Variants in MAP1B observed in about 807,000 individuals in gnomAD.
MAP1B encodes microtubule associated protein 1B.
MAP1B carries 12 observed loss-of-function variants against 176.1 expected under a neutral mutation model. That is an observed-to-expected ratio of 0.07 (90% CI 0.04 to 0.11). MAP1B has a LOEUF of 0.11. Among genes scored for constraint, MAP1B ranks in the 10% least tolerant of loss-of-function variants. The pLI is 1.00. For synonymous variants in MAP1B, 1,044 were observed against 1,135.0 expected (o/e 0.92, Z 1.61); for missense variants, 2,523 against 2,990.5 (o/e 0.84, Z 3.65).
chr5:72,183,018 C>T (rs1280235365), intron 2 of MAP1B, among the ~76,000 whole-genome samples: 2 of 152,202 alleles, frequency 1.3e-5, no homozygotes, highest in African/African-American at 4.8e-5. Flanking sequence ...CAGGGGGAGT[C>T]AGCGTTGTGG....
At chr5:72,129,035 C>A (rs1000176781) in intron 2 of MAP1B, among the ~76,000 whole-genome samples, 1 of 152,122 alleles carries the variant, frequency 6.6e-6, no homozygotes, top group African/African-American at 2.4e-5. Flanking sequence ...AAGAATCCAA[C>A]CAAAAGGTAA....
At chr5:72,120,688 A>G (rs938308006) in intron 2 of MAP1B, among the ~76,000 whole-genome samples, 17 of 152,036 alleles carry the variant, frequency 1.1e-4, no homozygotes, top group African/African-American at 4.1e-4. Context: ...AGCCTCCCAA[A>G]GCACTGGGAT....
At chr5:72,151,146 G>A (rs1471003105) in intron 2 of MAP1B, among the ~76,000 whole-genome samples, 1 of 152,058 alleles carries the variant, frequency 6.6e-6, no homozygotes, top group East Asian at 1.9e-4. Flanking sequence ...AAGACATGGA[G>A]GCAAAGGTCA....
Position 72,198,590 on chromosome 5 carries a change from C to G in MAP1B, c.5235C>G (p.Leu1745=). The change falls in exon 5 of 7, where the codon CTC becomes CTG. Residue 1745 remains leucine, a synonymous_variant. Transcript: ENST00000296755. ...AHTPSQIASP[L]QEDTLSDVAP... ...CCCCTTCTCAGATCGCTTCTCCTCT[C>G]CAAGAAGATACTCTATCCGATGTTG... is the stretch of plus-strand genomic sequence containing the variant. 6.2e-7 allele frequency: 1 copy of G among 1,614,090 alleles called. No individual in the cohort carries two copies. Among genetic ancestry groups the G allele is most frequent in the African/African-American group, 1.3e-5 (1 of 75,024 alleles).
At chr5:72,172,424 CT>C (rs551372680) in intron 2 of MAP1B, among the ~76,000 whole-genome samples, 11 of 151,316 alleles carry the variant, frequency 7.3e-5, no homozygotes, top group South Asian at 4.2e-4. Flanking sequence ...TGCATTTTTT[CT>C]TTTTTTTTGG....
At chr5:72,166,426 A>G (rs548805470) in intron 2 of MAP1B, among the ~76,000 whole-genome samples, 1 of 152,278 alleles carries the variant, frequency 6.6e-6, no homozygotes, top group South Asian at 2.1e-4. Flanking sequence ...GTAAAAATGC[A>G]TGTAAATTTG....
chr5:72,203,783 G>C lies in MAP1B; in HGVS notation c.7233G>C (p.Gln2411His), dbSNP rs1747383898. 1 of 1,612,510 alleles carries C rather than the reference G, an allele frequency of 6.2e-7. No individual in the cohort carries two copies. Among genetic ancestry groups the C allele is most frequent in the Non-Finnish European group, 8.5e-7 (1 of 1,180,032 alleles). ...VLDALLEGKAQWGSNMQVTLI... is the reference protein window; with the variant it reads ...VLDALLEGKAHWGSNMQVTLI... ...ACGCTTTGTTGGAAGGAAAGGCTCA[G>C]TGGGGCAGCAACATGCAGGTGAGAA... The change falls in exon 6 of 7, where the codon CAG becomes CAC. Residue 2411 changes from glutamine (Q) to histidine (H), a missense_variant. Around this residue, in one of 4 missense-constraint regions of MAP1B, gnomAD observed 287 missense variants for 401.5 expected, o/e 0.71. Coordinates refer to ENST00000296755, the MANE Select transcript of MAP1B (RefSeq NM_005909.5).
intron 2 of MAP1B, among the ~76,000 whole-genome samples, chr5:72,117,983 A>G (rs766122199): frequency 6.6e-6 from 1 of 152,234 alleles, no homozygotes; most frequent in Non-Finnish European, 1.5e-5. Flanking sequence ...ATAAGAAGAC[A>G]TGGAGATCAC....
At chr5:72,136,690 G>T (rs1490061912) in intron 2 of MAP1B, among the ~76,000 whole-genome samples, 1 of 152,098 alleles carries the variant, frequency 6.6e-6, no homozygotes, top group Non-Finnish European at 1.5e-5. Flanking sequence ...TTGTTGGCCA[G>T]CCACTCCCTT....
Position 72,197,653 on chromosome 5 carries a change from G to A in MAP1B, c.4298G>A (p.Ser1433Asn). The A allele has an allele frequency of 6.2e-7, 1 of 1,614,216 alleles. No homozygotes were observed. Among genetic ancestry groups the A allele is most frequent in the Non-Finnish European group, 8.5e-7 (1 of 1,180,044 alleles). Residue 1433 changes from serine to asparagine, a missense_variant, in exon 5 of 7, where the codon AGT (serine) becomes AAT (asparagine). Transcript: ENST00000296755. The stretch of plus-strand genomic sequence containing the variant: ...GCCGAAAGTCCTTTTGAAGAAAAGA[G>A]TGGAAAACAAGGCTCTCCAGACCAA... ...RGAESPFEEK[S>N]GKQGSPDQVS...
In MAP1B at chr5:72,199,612, C is replaced by G. The variant is rs1291280608; in HGVS notation, c.6257C>G (p.Ser2086Cys). Residue 2086 changes from serine to cysteine, a missense_variant, in exon 5 of 7, where the codon TCC becomes TGC. By Grantham distance (112) the Ser-to-Cys change is moderately radical. Around this residue, in one of 4 missense-constraint regions of MAP1B, gnomAD observed 1,925 missense variants for 2,126.0 expected, o/e 0.91. Coordinates refer to ENST00000296755, the MANE Select transcript of MAP1B (RefSeq NM_005909.5). This position sits in a 1 kb window ranked among gnomAD's most constrained non-coding sequence, Gnocchi z 4.2. ...CAGGATGTCGATTTATGCCTCGTGTCCTCTTGTGAATACAAGCACCCCAAG... is the reference window on the plus strand; with the variant it reads ...CAGGATGTCGATTTATGCCTCGTGTGCTCTTGTGAATACAAGCACCCCAAG... Reference protein sequence around the residue: ...ARQDVDLCLVSSCEYKHPKTE... With the variant: ...ARQDVDLCLVCSCEYKHPKTE... 3 of 1,614,172 alleles carry G rather than the reference C, an allele frequency of 1.9e-6. No individual in the cohort carries two copies. The Admixed American group carries it at 5.0e-5, about 27-fold the overall frequency.
chr5:72,193,155 C>T (rs1747062971), intron 4 of MAP1B: 2 of 248,736 alleles, frequency 8.0e-6, no homozygotes, highest in Non-Finnish European at 8.4e-6. Flanking sequence ...GTGACCCACT[C>T]ATGTTTCAAT....
intron 3 of MAP1B, 53 bp downstream of exon 3, chr5:72,183,878 GAC>G (rs2112213179): frequency 6.7e-7 from 1 of 1,482,600 alleles, no homozygotes; most frequent in East Asian, 2.3e-5. Context: ...ACTGGATAGG[GAC>G]CCAGTGGATT....
At position 72,186,791 on chromosome 5, in the gene MAP1B, G is replaced by A; in HGVS notation, c.510+37G>A. ...TCTGAGAATATCTGTGCTTCTAGTG[G>A]CTTGGTTGCCTTAGGTTCCTCTTTG... On this transcript the variant is annotated intron_variant, in intron 4 of 6. Coordinates refer to ENST00000296755, the MANE Select transcript of MAP1B (RefSeq NM_005909.5). This position sits in a 1 kb window ranked among gnomAD's most constrained non-coding sequence, Gnocchi z 4.3. 6.2e-7 allele frequency: 1 copy of A among 1,611,172 alleles called. No homozygotes were observed. Among genetic ancestry groups the A allele is most frequent in the Non-Finnish European group, 8.5e-7 (1 of 1,179,298 alleles).
chr5:72,204,258 A>G lies in MAP1B; in HGVS notation c.7251+457A>G, dbSNP rs1490071447. On this transcript the variant is annotated intron_variant, in intron 6 of 6. Coordinates refer to ENST00000296755, the MANE Select transcript of MAP1B (RefSeq NM_005909.5). The surrounding 1 kb of genome is among the most constrained non-coding windows in gnomAD (Gnocchi z 4.4). Reference sequence around the variant, plus strand: ...CCATGTGAAATTCCACAGCAGGAGCATTGCTGAATATAGTCCCTCACAGGA... The same window carrying G: ...CCATGTGAAATTCCACAGCAGGAGCGTTGCTGAATATAGTCCCTCACAGGA... Among the ~76,000 whole-genome samples, 2 of 152,172 alleles carry G rather than the reference A, an allele frequency of 1.3e-5. No homozygotes were observed. The highest frequency in any genetic ancestry group is 4.8e-5 in the African/African-American group (2 of 41,432).
chr5:72,117,976 A>G (rs1745463148), intron 2 of MAP1B, among the ~76,000 whole-genome samples: 1 of 152,234 alleles, frequency 6.6e-6, no homozygotes, highest in Non-Finnish European at 1.5e-5. Flanking sequence ...TTAGAGGATA[A>G]GAAGACATGG....
chr5:72,185,303 T>G (rs1746870704), intron 3 of MAP1B, among the ~76,000 whole-genome samples: 1 of 152,170 alleles, frequency 6.6e-6, no homozygotes, highest in Admixed American at 6.5e-5. Context: ...TGACAATCCA[T>G]GAAGGTGTGA....
chr5:72,144,410 G>A (rs1746008691), intron 2 of MAP1B, among the ~76,000 whole-genome samples: 1 of 152,088 alleles, frequency 6.6e-6, no homozygotes, highest in African/African-American at 2.4e-5. Flanking sequence ...TGAATTCAAA[G>A]CTAAATTTTA....
chr5:72,153,444 C>T (rs955289481), intron 2 of MAP1B, among the ~76,000 whole-genome samples: 3 of 151,970 alleles, frequency 2.0e-5, no homozygotes, highest in African/African-American at 7.2e-5. Context: ...GCAGTGGTCT[C>T]TTGCCATTTC....
Sources: allele counts gnomAD v4.1 joint callset (sites outside exome capture counted in the v4.1 genomes callset), GRCh38; gene constraint gnomAD v4.1.1; regional missense constraint gnomAD v4.1.1; non-coding constraint Gnocchi (gnomAD v3.1); transcripts MANE v1.5; gene names NCBI Gene and HGNC (gene_info 2026-07-23, HGNC 2026-07-21).